OPHN1: variants seen among roughly 807,000 people sequenced by gnomAD.
OPHN1 encodes oligophrenin-1.
Under a neutral mutation model 60.7 loss-of-function variants are expected in OPHN1, and 11 were observed. The observed-to-expected ratio is 0.18, with a 90% CI of 0.11 to 0.30. OPHN1 has a LOEUF of 0.30. OPHN1 is among the 10% of genes least tolerant of loss of function. The pLI is 1.00. For missense variants in OPHN1, 449 were observed against 611.0 expected, an observed-to-expected ratio of 0.73 and a Z score of 2.80; for synonymous variants, 226 against 222.6, an observed-to-expected ratio of 1.02 and a Z score of -0.14.
chrX:68,242,332 A>G (rs1602265054), intron 5 of OPHN1, among the ~76,000 whole-genome samples: 1 of 110,139 alleles, frequency 9.1e-6, no homozygotes, highest in East Asian at 2.9e-4. Context: ...GCAGTGAGCT[A>G]TTATCATGCC....
chrX:68,321,277 T>C (rs1338885250), intron 2 of OPHN1, among the ~76,000 whole-genome samples: 4 of 111,520 alleles, frequency 3.6e-5, no homozygotes, highest in African/African-American at 1.3e-4. Context: ...CAAAAAGACA[T>C]CACTTACAAG....
chrX:68,247,180 C>G, intron 5 of OPHN1, among the ~76,000 whole-genome samples: 1 of 111,408 alleles, frequency 9.0e-6, no homozygotes. Flanking sequence ...TCAGTGGTGT[C>G]TTCTCTAAGT....
chrX:68,111,611 G>T (rs1012412858), intron 18 of OPHN1, among the ~76,000 whole-genome samples: 1 of 111,920 alleles, frequency 8.9e-6, no homozygotes, highest in African/African-American at 3.2e-5. Context: ...TGACAGCAAA[G>T]CCTGTGTCCA....
intron 5 of OPHN1, among the ~76,000 whole-genome samples, chrX:68,257,125 T>C (rs1018954732): frequency 4.5e-5 from 5 of 112,332 alleles, no homozygotes; most frequent in African/African-American, 1.6e-4. Flanking sequence ...AACTCTTTTA[T>C]GCACTTGGAA....
intron 5 of OPHN1, among the ~76,000 whole-genome samples, chrX:68,247,264 A>G: frequency 8.9e-6 from 1 of 111,746 alleles, no homozygotes; most frequent in Non-Finnish European, 1.9e-5. Context: ...CGATCATATT[A>G]TAACCCCGAC....
intron 9 of OPHN1, among the ~76,000 whole-genome samples, chrX:68,209,800 C>A (rs1359929534): frequency 9.0e-6 from 1 of 111,357 alleles, no homozygotes; most frequent in Non-Finnish European, 1.9e-5. Flanking sequence ...GAACTTAGCA[C>A]CATGTCTGGT....
intron 18 of OPHN1, among the ~76,000 whole-genome samples, chrX:68,106,288 A>G (rs911308535): frequency 1.8e-5 from 2 of 109,433 alleles, no homozygotes; most frequent in Admixed American, 2.0e-4. Context: ...AAGTAAAAAG[A>G]ACCTAGTAAG....
At chrX:68,217,967 G>A (rs1395120151) in intron 6 of OPHN1, among the ~76,000 whole-genome samples, 3 of 102,558 alleles carry the variant, frequency 2.9e-5, no homozygotes, top group African/African-American at 1.0e-4. Flanking sequence ...GGCTTCAGAT[G>A]ATCAAATTAC....
At chrX:68,317,595 GAA>G (rs1343097749) in intron 2 of OPHN1, among the ~76,000 whole-genome samples, 1 of 83,385 alleles carries the variant, frequency 1.2e-5, no homozygotes, top group Admixed American at 1.4e-4. Context: ...GAAAGAGAGA[GAA>G]AGAAAAAAGA....
intron 2 of OPHN1, among the ~76,000 whole-genome samples, chrX:68,372,494 C>T (rs866543484): frequency 9.0e-6 from 1 of 111,362 alleles, no homozygotes; most frequent in South Asian, 3.8e-4. Flanking sequence ...CTGACAGTTT[C>T]GGCATCTGTA....
rs200755040 is a variant in OPHN1 at position 68,298,959 on chromosome X, C to A, written c.250+42G>T. On this transcript the variant is annotated intron_variant, in intron 3 of 24. Transcript: ENST00000355520. Reference sequence around the variant, plus strand: ...TCAAAAAGACTACATGGTCTCAGGGCTGCCTCAACAGGTATATGACCACAT... The same window carrying A: ...TCAAAAAGACTACATGGTCTCAGGGATGCCTCAACAGGTATATGACCACAT... The A allele has an allele frequency of 3.8e-5, 32 of 841,089 alleles. No homozygotes were observed. The Admixed American group carries it at 5.5e-4, about 14-fold the overall frequency. 69.3% of individuals were successfully genotyped at this position (841,089 alleles called of 1,213,427 possible).
chrX:68,082,635 CT>C (rs2076978199), intron 19 of OPHN1, among the ~76,000 whole-genome samples: 1 of 112,340 alleles, frequency 8.9e-6, no homozygotes, highest in Non-Finnish European at 1.9e-5. Flanking sequence ...GTAAAACATT[CT>C]GTAGACAGAT....
chrX:68,328,806 T>C (rs919515427), intron 2 of OPHN1, among the ~76,000 whole-genome samples: 3 of 112,255 alleles, frequency 2.7e-5, no homozygotes, highest in East Asian at 2.8e-4. Flanking sequence ...GAATGGCTAA[T>C]AAACACATTG....
chrX:68,398,624 T>C (rs989940995), intron 2 of OPHN1, among the ~76,000 whole-genome samples: 1 of 111,439 alleles, frequency 9.0e-6, no homozygotes, highest in Non-Finnish European at 1.9e-5. Context: ...ATGTGCTACC[T>C]TAGACTGGGA....
At position 68,372,843 on chromosome X, in the gene OPHN1, C is replaced by T. The variant is rs186818665; in HGVS notation, c.154+60024G>A. ...TTTCCATAGCATTACTTCCTTTCTG[C>T]GTATCTTGCACATGCTTGTCACAAA... On this transcript the variant is annotated intron_variant, in intron 2 of 24. Transcript: ENST00000355520. Among the ~76,000 whole-genome samples, 148 of 110,941 alleles carry T rather than the reference C, an allele frequency of 1.3e-3. 3 individuals are homozygous for T. The South Asian group carries it at 0.055, about 41-fold the overall frequency.
Position 68,194,052 on chromosome X carries a change from G to C in OPHN1, c.1139-100C>G. ...AAGGGACTGCATTGAGAGAGCTAAGGGTTTTTAGTTGCTCATTTCTAGTCA... is the reference window on the plus strand; with the variant it reads ...AAGGGACTGCATTGAGAGAGCTAAGCGTTTTTAGTTGCTCATTTCTAGTCA... On this transcript the variant is annotated intron_variant, in intron 13 of 24. Transcript: ENST00000355520. 5.6e-6 allele frequency: 4 copies of C among 718,074 alleles called. No individual in the cohort carries two copies. The South Asian group carries it at 6.8e-5, about 12-fold the overall frequency. The allele number at this position is 718,074 out of a possible 1,213,427, so 59.2% of individuals were successfully genotyped here.
intron 2 of OPHN1, among the ~76,000 whole-genome samples, chrX:68,310,522 C>T (rs890326893): frequency 8.1e-5 from 9 of 110,769 alleles, no homozygotes; most frequent in Non-Finnish European, 1.5e-4. Flanking sequence ...CAGAACTTCA[C>T]AGTTGAAAAT....
At chrX:68,364,146 C>T (rs1291246047) in intron 2 of OPHN1, among the ~76,000 whole-genome samples, 1 of 111,500 alleles carries the variant, frequency 9.0e-6, no homozygotes, top group Non-Finnish European at 1.9e-5. Context: ...ACAAGAACAG[C>T]CTGTCTTGGA....
At chrX:68,177,739 C>T (rs1392956111) in intron 15 of OPHN1, among the ~76,000 whole-genome samples, 1 of 110,487 alleles carries the variant, frequency 9.1e-6, no homozygotes, top group African/African-American at 3.3e-5. Context: ...CCAGATGTCA[C>T]AAGAACTGAC....
Sources: allele counts gnomAD v4.1 joint callset (sites outside exome capture counted in the v4.1 genomes callset), GRCh38; gene constraint gnomAD v4.1.1; transcripts MANE v1.5; gene names NCBI Gene and HGNC (gene_info 2026-07-23, HGNC 2026-07-21).